DDX49: variants seen among roughly 807,000 people sequenced by gnomAD.
The protein encoded by DDX49 is DEAD-box helicase 49.
A neutral mutation model predicts 56.3 loss-of-function variants in DDX49; 50 were observed. That is an observed-to-expected ratio of 0.89 (90% CI 0.71 to 1.12). The LOEUF is 1.12. DDX49 is among the 50% of genes most tolerant of loss of function. The probability of loss-of-function intolerance (pLI) is 0.00; values close to 1 mark genes in which losing one functional copy is unlikely to be tolerated. For synonymous variants in DDX49, 269 were observed against 270.6 expected (o/e 0.99, Z 0.06); for missense variants, 614 against 650.5 (o/e 0.94, Z 0.61).
At position 18,922,711 on chromosome 19, in the gene DDX49, A is replaced by C. The variant is rs375319625; in HGVS notation, c.743A>C (p.Asp248Ala). The C allele has an allele frequency of 6.2e-7, 1 of 1,613,766 alleles. No individual in the cohort carries two copies. Among genetic ancestry groups the C allele is most frequent in the African/African-American group, 1.3e-5 (1 of 74,902 alleles). The change falls in exon 6 of 13, where the codon GAC (aspartate) becomes GCC (alanine). Residue 248 changes from aspartate to alanine, a missense_variant. Transcript: ENST00000247003. Reference sequence around the variant, plus strand: ...CAGCGCTTCCAGGATGAGCACGAGGACTGGTCCATTATCATCTTCACCAAC... The same window carrying C: ...CAGCGCTTCCAGGATGAGCACGAGGCCTGGTCCATTATCATCTTCACCAAC... ...LIQRFQDEHEDWSIIIFTNTC... is the reference protein window; with the variant it reads ...LIQRFQDEHEAWSIIIFTNTC...
intron 7 of DDX49, 64 bp from the exon 8 acceptor site, chr19:18,924,559 C>A: frequency 6.4e-7 from 1 of 1,567,644 alleles, no homozygotes; most frequent in Non-Finnish European, 8.8e-7. Context: ...CCACCCTGTC[C>A]CGAGGCCTCA....
intron 1 of DDX49, 42 bp downstream of exon 1, chr19:18,919,898 C>T (rs1326941348): frequency 1.4e-6 from 2 of 1,406,552 alleles, no homozygotes; most frequent in East Asian, 2.4e-5. Context: ...CCTCTCCGCT[C>T]CTCTCGACTC....
Position 18,922,763 on chromosome 19 carries a change from T to C in DDX49, c.776+19T>C. The C allele has an allele frequency of 6.2e-7, 1 of 1,606,322 alleles. No individual in the cohort carries two copies. Among genetic ancestry groups the C allele is most frequent in the Non-Finnish European group, 8.5e-7 (1 of 1,174,314 alleles). On this transcript the variant is annotated intron_variant, in intron 6 of 12. Transcript: ENST00000247003. ...CGTGCAAGTGAGCGGGGCCCGCCTCTCCCCTCCCACCGCCCTTCAAAGGAG... is the reference window on the plus strand; with the variant it reads ...CGTGCAAGTGAGCGGGGCCCGCCTCCCCCCTCCCACCGCCCTTCAAAGGAG...
At chr19:18,924,118 C>T in intron 6 of DDX49, 115 bp from the exon 7 acceptor site, 1 of 1,020,994 alleles carries the variant, frequency 9.8e-7, no homozygotes, top group Non-Finnish European at 1.5e-6. Context: ...TGCTGCCTCT[C>T]CTTTCTAAGC....
chr19:18,921,607 T>TG (rs2056917698), intron 2 of DDX49, 56 bp from the exon 3 acceptor site: 1 of 1,529,798 alleles, frequency 6.5e-7, no homozygotes, highest in African/African-American at 1.4e-5. Context: ...GAGAGGGGAA[T>TG]GGGGGGCAGG....
At position 18,924,942 on chromosome 19, in the gene DDX49, G is replaced by A. The variant is rs1261373854; in HGVS notation, c.990G>A (p.Lys330=). The part of the protein sequence containing the change: ...VINHNTPGLP[K]IYIHRVGRTA... Reference sequence around the variant, plus strand: ...ACCACAACACCCCCGGGCTCCCCAAGATCTACATCCACCGAGTCGGCCGGA... The same window carrying A: ...ACCACAACACCCCCGGGCTCCCCAAAATCTACATCCACCGAGTCGGCCGGA... Residue 330 remains lysine, a synonymous_variant, in exon 9 of 13, where the codon AAG becomes AAA. Coordinates refer to ENST00000247003, the MANE Select transcript of DDX49 (RefSeq NM_019070.5). The A allele has an allele frequency of 1.9e-6, 3 of 1,612,690 alleles. No individual in the cohort carries two copies. The highest frequency in any genetic ancestry group is 1.7e-6 in the Non-Finnish European group (2 of 1,180,016).
intron 9 of DDX49, 167 bp downstream of exon 9, chr19:18,925,146 C>G: frequency 2.0e-6 from 1 of 512,016 alleles, no homozygotes; most frequent in Non-Finnish European, 3.0e-6. Flanking sequence ...TGAATCCCAG[C>G]TACTCGGGAG....
intron 6 of DDX49, 92 bp from the exon 7 acceptor site, chr19:18,924,141 C>G (rs947299004): frequency 1.6e-6 from 2 of 1,261,706 alleles, no homozygotes; most frequent in Non-Finnish European, 2.3e-6. Flanking sequence ...CATGAGGCCA[C>G]TGTGCTAGGT....
At position 18,920,654 on chromosome 19, in the gene DDX49, C is replaced by G; in HGVS notation, c.190C>G (p.Leu64Val). ...AAFVLPILQK[L>V]SEDPYGIFCL... ...GTTTGTCCTTCCCATCTTGCAGAAGCTGTCTGAGGATCCCTATGGCATCTT... is the reference window on the plus strand; with the variant it reads ...GTTTGTCCTTCCCATCTTGCAGAAGGTGTCTGAGGATCCCTATGGCATCTT... Residue 64 changes from leucine to valine, a missense_variant, in exon 2 of 13, where the codon CTG becomes GTG. By Grantham distance (32) the Leu-to-Val change is conservative. Coordinates refer to ENST00000247003, the MANE Select transcript of DDX49 (RefSeq NM_019070.5). 1 of 1,611,816 alleles carries G rather than the reference C, an allele frequency of 6.2e-7. No individual in the cohort carries two copies. The highest frequency in any genetic ancestry group is 8.5e-7 in the Non-Finnish European group (1 of 1,178,070).
chr19:18,922,005 C>G (rs565121335), intron 4 of DDX49, 41 bp downstream of exon 4: 4 of 1,575,752 alleles, frequency 2.5e-6, no homozygotes, highest in East Asian at 2.3e-5. Flanking sequence ...GAGCTGGGCT[C>G]GGAGCCTCCA....
chr19:18,920,890 C>T, intron 2 of DDX49, 187 bp downstream of exon 2: 1 of 475,868 alleles, frequency 2.1e-6, no homozygotes, highest in Non-Finnish European at 3.6e-6. Context: ...CCTGTAATCC[C>T]AGCACTTTGG....
chr19:18,922,322 G>A lies in DDX49; in HGVS notation c.448-4G>A, dbSNP rs2056924430. ...CCTCACCCCTGCCCCCATTGGCACGGCAGGTGATGGATGAGGCAGACCGGC... is the reference window on the plus strand; with the variant it reads ...CCTCACCCCTGCCCCCATTGGCACGACAGGTGATGGATGAGGCAGACCGGC... On this transcript the variant is annotated splice_polypyrimidine_tract_variant and splice_region_variant and intron_variant, in intron 4 of 12. Transcript: ENST00000247003. 1.9e-6 allele frequency: 3 copies of A among 1,609,554 alleles called. No homozygotes were observed. The highest frequency in any genetic ancestry group is 3.4e-5 in the Admixed American group (2 of 59,458).
At chr19:18,923,349 T>C (rs1161421406) in intron 6 of DDX49, among the ~76,000 whole-genome samples, 1 of 152,044 alleles carries the variant, frequency 6.6e-6, no homozygotes, top group African/African-American at 2.4e-5. Context: ...TGGTGAAACT[T>C]CATCTCGACT....
intron 10 of DDX49, among the ~76,000 whole-genome samples, chr19:18,927,221 C>T (rs1212650118): frequency 6.6e-6 from 1 of 151,978 alleles, no homozygotes; most frequent in Admixed American, 6.6e-5. Flanking sequence ...TGTGGAGAAA[C>T]CCTGCCTCTC....
In DDX49 at chr19:18,919,844, G is replaced by A. The variant is rs1239556034; in HGVS notation, c.103G>A (p.Ala35Thr). 1 of 1,601,358 alleles carries A rather than the reference G, an allele frequency of 6.2e-7. No homozygotes were observed. The highest frequency in any genetic ancestry group is 1.1e-5 in the South Asian group (1 of 90,802). ...GCCCGTGCAGCTCGGCTGCATCCCC[G>A]CCATCCTGGAGGGTGAGTATGGCCC... ...PTPVQLGCIPAILEGRDCLGC... is the reference protein window; with the variant it reads ...PTPVQLGCIPTILEGRDCLGC... The change falls in exon 1 of 13, where the codon GCC becomes ACC. Residue 35 changes from alanine (A) to threonine (T), a missense_variant. Ala to Thr is a moderately conservative substitution (Grantham distance 58, BLOSUM62 0). Coordinates refer to ENST00000247003, the MANE Select transcript of DDX49 (RefSeq NM_019070.5).
At position 18,922,629 on chromosome 19, in the gene DDX49, C is replaced by G; in HGVS notation, c.661C>G (p.Gln221Glu). The change falls in exon 6 of 13, where the codon CAG becomes GAG. Residue 221 changes from glutamine (Q) to glutamate (E), a missense_variant. By Grantham distance (29) the Gln-to-Glu change is conservative (BLOSUM62 2). Transcript: ENST00000247003. ...APVSTVEQLD[Q>E]RYLLVPEKVK... ...GGTGAGCACCGTGGAGCAGCTGGAC[C>G]AGCGCTACCTGCTGGTGCCTGAGAA... 2 of 1,613,642 alleles carry G rather than the reference C, an allele frequency of 1.2e-6. No individual in the cohort carries two copies. Among genetic ancestry groups the G allele is most frequent in the South Asian group, 2.2e-5 (2 of 91,084 alleles).
Position 18,919,717 on chromosome 19 carries a change from G to A in DDX49, c.-25G>A, listed in dbSNP as rs750120108. ...GCGCGGATCACACGGGCCCCTACAA[G>A]GGGCCCCTACAAGCGGCCACAAGGA... On this transcript the variant is annotated 5_prime_UTR_variant, in exon 1 of 13. Coordinates refer to ENST00000247003, the MANE Select transcript of DDX49 (RefSeq NM_019070.5). The A allele has an allele frequency of 6.3e-7, 1 of 1,589,884 alleles. No homozygotes were observed. The highest frequency in any genetic ancestry group is 1.3e-5 in the African/African-American group (1 of 74,264).
chr19:18,922,774 C>A (rs760929072), intron 6 of DDX49, 30 bp downstream of exon 6: 1 of 1,602,350 alleles, frequency 6.2e-7, no homozygotes, highest in Non-Finnish European at 8.5e-7. Flanking sequence ...CCCCTCCCAC[C>A]GCCCTTCAAA....
chr19:18,927,655 C>T, intron 10 of DDX49, 111 bp from the exon 11 acceptor site: 2 of 839,874 alleles, frequency 2.4e-6, no homozygotes, highest in Non-Finnish European at 3.9e-6. Context: ...CTGATATGGC[C>T]CCAGATGGCC....
Sources: allele counts gnomAD v4.1 joint callset (sites outside exome capture counted in the v4.1 genomes callset), GRCh38; gene constraint gnomAD v4.1.1; transcripts MANE v1.5; gene names NCBI Gene and HGNC (gene_info 2026-07-23, HGNC 2026-07-21).